WDR25: variants seen among roughly 807,000 people sequenced by gnomAD.
The protein encoded by WDR25 is WD repeat-containing protein 25.
A neutral mutation model predicts 47.7 loss-of-function variants in WDR25; 35 were observed. The observed-to-expected ratio is 0.73, with a 90% CI of 0.56 to 0.97. The LOEUF is 0.97. WDR25 is among the 50% of genes least tolerant of loss of function. WDR25 has a pLI of 0.00. For synonymous variants in WDR25, 248 were observed against 278.9 expected (o/e 0.89, Z 1.10); for missense variants, 634 against 704.7 (o/e 0.90, Z 1.14).
intron 2 of WDR25, among the ~76,000 whole-genome samples, chr14:100,391,191 T>C (rs1270375521): frequency 6.6e-6 from 1 of 152,170 alleles, no homozygotes; most frequent in Non-Finnish European, 1.5e-5. Flanking sequence ...TGTCCATGGC[T>C]CTAGAGCATG....
At chr14:100,460,923 A>G (rs567864042) in intron 2 of WDR25, among the ~76,000 whole-genome samples, 5 of 152,346 alleles carry the variant, frequency 3.3e-5, no homozygotes, top group African/African-American at 1.2e-4. Flanking sequence ...GATCATCTAT[A>G]TGCAATTCCA....
intron 2 of WDR25, among the ~76,000 whole-genome samples, chr14:100,386,633 C>A (rs769966477): frequency 6.6e-6 from 1 of 151,962 alleles, no homozygotes; most frequent in Non-Finnish European, 1.5e-5. Flanking sequence ...GTGGCTCATG[C>A]CTGTAATCCC....
Position 100,449,963 on chromosome 14 carries a change from C to T in WDR25, c.823-18058C>T, listed in dbSNP as rs116097658. On this transcript the variant is annotated intron_variant, in intron 2 of 6. Coordinates refer to ENST00000402312, the MANE Select transcript of WDR25 (RefSeq NM_001161476.3). The surrounding 1 kb of genome is among the most constrained non-coding windows in gnomAD (Gnocchi z 4.2). ...ACCTGTAAGTCCCAGTGATTCTTCT[C>T]TAAACTGGGCATTCAGTGCGTCCAC... is the stretch of plus-strand genomic sequence containing the variant. Among the ~76,000 whole-genome samples the T allele has an allele frequency of 7.6e-3, 1,152 of 152,338 alleles. 14 individuals are homozygous for T. The highest frequency in any genetic ancestry group is 0.026 in the African/African-American group (1,095 of 41,566).
At chr14:100,431,449 A>G (rs60116842) in intron 2 of WDR25, among the ~76,000 whole-genome samples, 1 of 152,242 alleles carries the variant, frequency 6.6e-6, no homozygotes, top group African/African-American at 2.4e-5. Context: ...GAAATAATCC[A>G]TAAGAACTGA....
In WDR25 at chr14:100,441,518, A is replaced by C. The variant is rs80267238; in HGVS notation, c.823-26503A>C. On this transcript the variant is annotated intron_variant, in intron 2 of 6. Coordinates refer to ENST00000402312, the MANE Select transcript of WDR25 (RefSeq NM_001161476.3). ...AGTGCCCAGAGTGTGTGGGTCTTGG[A>C]GTGCCAGAGTGTGGGAACACAGAGG... Among the ~76,000 whole-genome samples the C allele has an allele frequency of 1.5e-3, 229 of 152,012 alleles. 5 individuals are homozygous for C. The East Asian group carries it at 0.038, about 26-fold the overall frequency.
At chr14:100,504,106 T>G (rs1901033062) in intron 4 of WDR25, among the ~76,000 whole-genome samples, 1 of 152,224 alleles carries the variant, frequency 6.6e-6, no homozygotes, top group African/African-American at 2.4e-5. Flanking sequence ...CACTGATTAT[T>G]TTGAAGCAAA....
chr14:100,440,259 G>A lies in WDR25; in HGVS notation c.823-27762G>A, dbSNP rs551824051. ...AGGGGAGTGTTTTCCTCTTGGATGC[G>A]TTTGCACCTGGCAAATGAATGTGCA... On this transcript the variant is annotated intron_variant, in intron 2 of 6. Transcript: ENST00000402312. This position sits in a 1 kb window ranked among gnomAD's most constrained non-coding sequence, Gnocchi z 4.4. 6.6e-6 allele frequency among the ~76,000 whole-genome samples: 1 copy of A among 152,156 alleles called. No homozygotes were observed. Among genetic ancestry groups the A allele is most frequent in the Non-Finnish European group, 1.5e-5 (1 of 68,024 alleles).
chr14:100,502,637 C>T lies in WDR25; in HGVS notation c.1101+18513C>T, dbSNP rs577624735. 3.9e-5 allele frequency among the ~76,000 whole-genome samples: 6 copies of T among 152,294 alleles called. No individual in the cohort carries two copies. Among genetic ancestry groups the T allele is most frequent in the East Asian group, 1.9e-4 (1 of 5,174 alleles). On this transcript the variant is annotated intron_variant, in intron 4 of 6. Transcript: ENST00000402312. This position sits in a 1 kb window ranked among gnomAD's most constrained non-coding sequence, Gnocchi z 4.5. ...TAACCACTGCATGGCCAAGTGGCCA[C>T]GGCGTGGGGGAACATGAGGTCCCTC...
Position 100,381,271 on chromosome 14 carries a change from C to T in WDR25, c.347C>T (p.Ser116Phe). ...CCCATCAAAGAGCCTTCTTGTTCTTCTCTGTGGACGAGCCATGTTCCAGCC... is the reference window on the plus strand; with the variant it reads ...CCCATCAAAGAGCCTTCTTGTTCTTTTCTGTGGACGAGCCATGTTCCAGCC... ...TFPIKEPSCS[S>F]LWTSHVPASH... is the part of the protein sequence containing the mutation. The change falls in exon 2 of 7, where the codon TCT becomes TTT. Residue 116 changes from serine to phenylalanine, a missense_variant. Transcript: ENST00000402312. The T allele has an allele frequency of 1.2e-6, 2 of 1,614,130 alleles. No homozygotes were observed. Among genetic ancestry groups the T allele is most frequent in the South Asian group, 2.2e-5 (2 of 91,082 alleles).
intron 4 of WDR25, among the ~76,000 whole-genome samples, chr14:100,493,893 C>G (rs1900645574): frequency 1.3e-5 from 2 of 152,154 alleles, no homozygotes; most frequent in Non-Finnish European, 2.9e-5. Flanking sequence ...AGATGAATCT[C>G]TCTCCACCAC....
intron 2 of WDR25, among the ~76,000 whole-genome samples, chr14:100,443,421 C>G (rs1282585152): frequency 6.1e-5 from 9 of 147,130 alleles, no homozygotes; most frequent in Non-Finnish European, 1.0e-4. Context: ...CTTCCTAACA[C>G]CGTTTCTGTT....
chr14:100,493,354 C>T (rs1296966777), intron 4 of WDR25, among the ~76,000 whole-genome samples: 3 of 152,182 alleles, frequency 2.0e-5, no homozygotes, highest in Admixed American at 1.3e-4. Context: ...CTGTTATGAA[C>T]ATTTTATATA....
At chr14:100,439,265 T>A (rs1898593408) in intron 2 of WDR25, among the ~76,000 whole-genome samples, 1 of 152,248 alleles carries the variant, frequency 6.6e-6, no homozygotes, top group Non-Finnish European at 1.5e-5. Flanking sequence ...CTTTGGCATC[T>A]GTTGCTTGTC....
At position 100,493,446 on chromosome 14, in the gene WDR25, A is replaced by G. The variant is rs145064210; in HGVS notation, c.1101+9322A>G. Among the ~76,000 whole-genome samples, 847 of 117,700 alleles carry G rather than the reference A, an allele frequency of 7.2e-3. 3 individuals are homozygous for G. Among genetic ancestry groups the G allele is most frequent in the Non-Finnish European group, 9.9e-3 (619 of 62,728 alleles). The allele number at this position is 117,700 out of a possible 152,430, so 77.2% of individuals were successfully genotyped here. On this transcript the variant is annotated intron_variant, in intron 4 of 6. Transcript: ENST00000402312. ...ACATTGTAGCCTATATCAGGACTTC[A>G]CTCCTTTATGTTTTTTTTAAAATTA...
intron 2 of WDR25, among the ~76,000 whole-genome samples, chr14:100,446,345 A>G (rs1283141607): frequency 2.0e-5 from 3 of 152,130 alleles, no homozygotes; most frequent in Admixed American, 6.5e-5. Context: ...ACTTGAGGTC[A>G]GGAGTTTGAG....
At chr14:100,465,345 A>G (rs535201129) in intron 2 of WDR25, among the ~76,000 whole-genome samples, 86 of 152,228 alleles carry the variant, frequency 5.6e-4, no homozygotes, top group Non-Finnish European at 1.1e-3. Context: ...CTCTGTCCCC[A>G]TTAAACAACT....
intron 2 of WDR25, among the ~76,000 whole-genome samples, chr14:100,462,175 G>A (rs975001660): frequency 2.6e-5 from 4 of 152,144 alleles, no homozygotes; most frequent in Non-Finnish European, 4.4e-5. Context: ...TCTTGGTAAC[G>A]AGGACACAGA....
In WDR25 at chr14:100,407,683, C is replaced by A. The variant is rs1196661706; in HGVS notation, c.822+25937C>A. On this transcript the variant is annotated intron_variant, in intron 2 of 6. Transcript: ENST00000402312. The surrounding 1 kb of genome is among the most constrained non-coding windows in gnomAD (Gnocchi z 4.1). ...TGCAGGTTTGGGAGGCAGCTGTCCT[C>A]CAAAGCATACAATTACTAAGAACAG... 6.6e-6 allele frequency: 1 copy of A among 152,172 alleles called. No homozygotes were observed. Among genetic ancestry groups the A allele is most frequent in the Non-Finnish European group, 1.5e-5 (1 of 68,072 alleles). The allele number at this position is 152,172 out of a possible 1,614,324, so 9.4% of individuals were successfully genotyped here.
intron 2 of WDR25, among the ~76,000 whole-genome samples, chr14:100,444,577 ACCG>A (rs1449988523): frequency 2.0e-5 from 3 of 146,684 alleles, no homozygotes; most frequent in African/African-American, 7.5e-5. Context: ...CCCAGGCCCC[ACCG>A]TACCTGGCAG....
Sources: gnomAD v4.1 joint callset for allele counts (sites outside exome capture counted in the v4.1 genomes callset) on GRCh38, gnomAD v4.1.1 for gene constraint, Gnocchi (gnomAD v3.1) non-coding constraint, MANE v1.5 for transcripts, NCBI Gene and HGNC (gene_info 2026-07-23, HGNC 2026-07-21) for gene names.